Variants in PLAC1 observed in about 807,000 individuals in gnomAD.
The protein encoded by PLAC1 is placenta-specific protein 1.
For missense variants in PLAC1, 136 were observed against 163.2 expected, an observed-to-expected ratio of 0.83 and a Z score of 0.91; for synonymous variants, 68 against 62.1, an observed-to-expected ratio of 1.09 and a Z score of -0.44.
rs1230058739 is a variant in PLAC1, at chrX:134,698,615, A to G, written n.174+34820T>C. Among the ~76,000 whole-genome samples, 5 of 110,964 alleles carry G rather than the reference A, an allele frequency of 4.5e-5. No homozygotes were observed. In the South Asian group the frequency reaches 1.6e-3, roughly 35 times the overall value. Reference sequence around the variant, plus strand: ...TTCCCCTTCTGTGCTTGATCTCTCCATGTTAAAGTATTCCAAGGCTAAGTC... The same window carrying G: ...TTCCCCTTCTGTGCTTGATCTCTCCGTGTTAAAGTATTCCAAGGCTAAGTC... On this transcript the variant is annotated intron_variant and non_coding_transcript_variant, in intron 2 of 2. Transcript: ENST00000466797.
intron 1 of PLAC1, among the ~76,000 whole-genome samples, chrX:134,738,458 C>T (rs554062625): frequency 1.7e-4 from 19 of 112,138 alleles, no homozygotes; most frequent in Non-Finnish European, 2.6e-4. Flanking sequence ...AGGGTTCAAA[C>T]GGGCTCGTTC....
chrX:134,572,443 T>C (rs1322809403), intron 2 of PLAC1, among the ~76,000 whole-genome samples: 1 of 112,139 alleles, frequency 8.9e-6, no homozygotes, highest in Non-Finnish European at 1.9e-5. Context: ...TTAAAGACGC[T>C]GAGACCGGTT....
chrX:134,680,403 A>C lies in PLAC1; in HGVS notation n.174+53032T>G, dbSNP rs1203367265. ...TCTATCACACTGGCTGTCACATCAC[A>C]TGCCAGCGTGCCCTGGAGCTGTTAA... On this transcript the variant is annotated intron_variant and non_coding_transcript_variant, in intron 2 of 2. Coordinates refer to the PLAC1 transcript ENST00000466797. 2.7e-5 allele frequency among the ~76,000 whole-genome samples: 3 copies of C among 111,112 alleles called. No homozygotes were observed. In the Admixed American group the frequency reaches 2.9e-4, roughly 11 times the overall value.
At chrX:134,638,025 C>T (rs760653659) in intron 1 of PLAC1, among the ~76,000 whole-genome samples, 4 of 112,278 alleles carry the variant, frequency 3.6e-5, no homozygotes, top group African/African-American at 1.3e-4. Flanking sequence ...AGCCCATAAA[C>T]GAGAGTCTAC....
intron 1 of PLAC1, among the ~76,000 whole-genome samples, chrX:134,621,533 T>C (rs1045326002): frequency 6.4e-5 from 7 of 109,923 alleles, no homozygotes; most frequent in African/African-American, 9.9e-5. Flanking sequence ...GTTTTCTCCT[T>C]GTGAGCATGA....
intron 2 of PLAC1, among the ~76,000 whole-genome samples, chrX:134,679,548 C>T (rs759716335): frequency 9.0e-6 from 1 of 111,568 alleles, no homozygotes; most frequent in Admixed American, 9.5e-5. Flanking sequence ...TGTCTGAAGA[C>T]ATTTTTCGTT....
At chrX:134,746,883 T>C (rs960410750) in intron 1 of PLAC1, among the ~76,000 whole-genome samples, 1 of 112,112 alleles carries the variant, frequency 8.9e-6, no homozygotes, top group Non-Finnish European at 1.9e-5. Flanking sequence ...ATTTTCTACA[T>C]TGCTTGGATT....
At chrX:134,734,955 T>C (rs1002148933) in intron 1 of PLAC1, among the ~76,000 whole-genome samples, 14 of 111,318 alleles carry the variant, frequency 1.3e-4, no homozygotes, top group Admixed American at 4.8e-4. Flanking sequence ...GTGGCTCCTG[T>C]GGCTATTTCA....
intron 2 of PLAC1, among the ~76,000 whole-genome samples, chrX:134,673,196 G>T (rs1231590729): frequency 3.7e-5 from 4 of 107,960 alleles, no homozygotes; most frequent in Non-Finnish European, 7.7e-5. Context: ...AGAGAAGGAA[G>T]AAGAGGAAAG....
chrX:134,731,326 A>G (rs192028870), intron 2 of PLAC1, among the ~76,000 whole-genome samples: 1 of 112,506 alleles, frequency 8.9e-6, no homozygotes, highest in Non-Finnish European at 1.9e-5. Flanking sequence ...TGCCTGGCAC[A>G]TATTTAATGC....
At position 134,639,388 on chromosome X, in the gene PLAC1, A is replaced by G. The variant is rs188038742; in HGVS notation, c.-131+18940T>C. 2.1e-3 allele frequency among the ~76,000 whole-genome samples: 229 copies of G among 111,642 alleles called. 2 individuals carry two copies. The highest frequency in any genetic ancestry group is 7.2e-3 in the African/African-American group (220 of 30,761). On this transcript the variant is annotated intron_variant, in intron 1 of 2. Coordinates refer to ENST00000359237, the MANE Select transcript of PLAC1 (RefSeq NM_021796.4). ...TTCCAGATGATTCTTGGATATGAAC[A>G]GGAATGGAGATAGGAATAAACACTT...
At chrX:134,660,144 A>AC (rs2078410948), upstream of PLAC1, among the ~76,000 whole-genome samples, 1 of 108,407 alleles carries the variant, frequency 9.2e-6, no homozygotes, top group South Asian at 4.1e-4. Flanking sequence ...TTGCTCTATC[A>AC]CCCAGGCTGG....
At chrX:134,632,321 G>T (rs1187649620) in intron 1 of PLAC1, among the ~76,000 whole-genome samples, 1 of 111,752 alleles carries the variant, frequency 8.9e-6, no homozygotes, top group African/African-American at 3.3e-5. Flanking sequence ...ATCCTATTGG[G>T]GTCTGTAGGA....
At position 134,566,013 on chromosome X, in the gene PLAC1, T is replaced by C. The variant is rs2077871360; in HGVS notation, c.*31A>G. The stretch of plus-strand genomic sequence containing the variant: ...GTACACTATATACTAATTCTAGAAA[T>C]AGCATCTTCAGGAGACCCCAAACCT... On this transcript the variant is annotated 3_prime_UTR_variant, in exon 3 of 3. Transcript: ENST00000359237. 6 of 1,150,652 alleles carry C rather than the reference T, an allele frequency of 5.2e-6. No homozygotes were observed. The highest frequency in any genetic ancestry group is 1.9e-5 in the South Asian group (1 of 53,720). 94.8% of individuals were successfully genotyped at this position (1,150,652 alleles called of 1,213,427 possible). A position where few individuals can be genotyped will look rare whatever the true frequency, so the allele number is the denominator to read the frequency against.
chrX:134,587,994 TAC>T (rs1454632240), intron 2 of PLAC1, among the ~76,000 whole-genome samples: 1 of 112,126 alleles, frequency 8.9e-6, no homozygotes, highest in African/African-American at 3.2e-5. Context: ...TATGAACTGG[TAC>T]AGTTTTACCC....
chrX:134,701,776 G>A (rs1235998493), intron 2 of PLAC1, among the ~76,000 whole-genome samples: 3 of 112,220 alleles, frequency 2.7e-5, no homozygotes, highest in Admixed American at 9.4e-5. Flanking sequence ...CCAGAACTTT[G>A]GGAGCCCAAG....
intron 2 of PLAC1, among the ~76,000 whole-genome samples, chrX:134,733,155 C>A (rs1295471704): frequency 9.0e-6 from 1 of 111,062 alleles, no homozygotes; most frequent in Non-Finnish European, 1.9e-5. Context: ...CATTTTATTT[C>A]ATTTCAGGGG....
intron 2 of PLAC1, among the ~76,000 whole-genome samples, chrX:134,581,168 G>A (rs2077972081): frequency 9.0e-6 from 1 of 111,700 alleles, no homozygotes; most frequent in Non-Finnish European, 1.9e-5. Context: ...CTGGATGTCA[G>A]GGCTTGGATG....
chrX:134,694,451 TTTCC>T (rs770635771), intron 2 of PLAC1, among the ~76,000 whole-genome samples: 1 of 111,684 alleles, frequency 9.0e-6, no homozygotes, highest in South Asian at 3.8e-4. Context: ...CACCTGGCAA[TTTCC>T]TATTGATGCC....
Sources: gnomAD v4.1 joint callset for allele counts (sites outside exome capture counted in the v4.1 genomes callset) on GRCh38, gnomAD v4.1.1 for gene constraint, MANE v1.5 for transcripts, NCBI Gene and HGNC (gene_info 2026-07-23, HGNC 2026-07-21) for gene names.